The following SCP2 variants were observed in gnomAD, a reference collection of about 807,000 sequenced individuals.
SCP2 encodes SCP-2/3-oxoacyl-CoA thiolase.
Under a neutral mutation model 71.4 loss-of-function variants are expected in SCP2, and 48 were observed. The observed-to-expected ratio is 0.67, with a 90% CI of 0.53 to 0.86. SCP2 has a LOEUF of 0.86. Ranked by LOEUF, SCP2 falls within the 40% of genes least tolerant of loss-of-function variation. SCP2 has a pLI of 0.00. For missense variants in SCP2, 560 were observed against 655.6 expected (o/e 0.85, Z 1.59); for synonymous variants, 220 against 218.1 (o/e 1.01, Z -0.08).
At chr1:52,971,919 G>A (rs1013220606) in intron 6 of SCP2, among the ~76,000 whole-genome samples, 7 of 152,152 alleles carry the variant, frequency 4.6e-5, no homozygotes, top group African/African-American at 1.7e-4. Context: ...AAGGAGTTCT[G>A]GTTTCTATGA....
intron 11 of SCP2, among the ~76,000 whole-genome samples, chr1:52,989,871 AT>A (rs1659318109): frequency 6.6e-6 from 1 of 152,024 alleles, no homozygotes; most frequent in African/African-American, 2.4e-5. Context: ...AATGGCGTAT[AT>A]AAGGTCAGAG....
Position 53,051,315 on chromosome 1 carries a change from A to C in SCP2, c.*611A>C, listed in dbSNP as rs1377223221. ...TTTTTAAAATAAAAATATTTTTAAC[A>C]TGGGTTTCCTTATTGAAAAATCAGT... On this transcript the variant is annotated 3_prime_UTR_variant, in exon 16 of 16. Transcript: ENST00000371514. 1.3e-5 allele frequency: 2 copies of C among 152,190 alleles called. No individual in the cohort carries two copies. The highest frequency in any genetic ancestry group is 3.8e-4 in the East Asian group (2 of 5,196). The allele number at this position is 152,190 out of a possible 1,614,324, so 9.4% of individuals were successfully genotyped here.
intron 14 of SCP2, among the ~76,000 whole-genome samples, chr1:53,043,142 C>T (rs1212814802): frequency 2.0e-5 from 3 of 152,126 alleles, no homozygotes; most frequent in Admixed American, 2.0e-4. Context: ...AAGAAACAGC[C>T]AAACCTGGGT....
At chr1:52,995,212 C>T (rs1324380611) in intron 11 of SCP2, 3 of 501,668 alleles carry the variant, frequency 6.0e-6, no homozygotes, top group East Asian at 5.1e-5. Context: ...CATGAACACC[C>T]TCAGTGTGGT....
chr1:52,944,221 G>A (rs1654556511), intron 2 of SCP2, among the ~76,000 whole-genome samples: 1 of 152,160 alleles, frequency 6.6e-6, no homozygotes. Context: ...CAACCCAAAA[G>A]GAGTTACTGT....
chr1:53,047,357 TCA>T (rs532360566), intron 14 of SCP2, among the ~76,000 whole-genome samples: 58 of 152,352 alleles, frequency 3.8e-4, no homozygotes, highest in African/African-American at 1.3e-3. Flanking sequence ...CAGGTTCTAC[TCA>T]CACTGGAAGG....
intron 11 of SCP2, among the ~76,000 whole-genome samples, chr1:53,003,629 C>T (rs1224232198): frequency 6.6e-6 from 1 of 151,956 alleles, no homozygotes; most frequent in Non-Finnish European, 1.5e-5. Context: ...AAGTGATCCT[C>T]CCGCCTCAGT....
intron 6 of SCP2, among the ~76,000 whole-genome samples, chr1:52,965,615 C>T (rs576419976): frequency 2.1e-4 from 32 of 152,092 alleles, no homozygotes; most frequent in African/African-American, 7.7e-4. Flanking sequence ...GTGGTCGTTG[C>T]TTGTGTATAC....
At chr1:53,027,301 C>T (rs1359321406) in intron 12 of SCP2, among the ~76,000 whole-genome samples, 6 of 151,972 alleles carry the variant, frequency 3.9e-5, no homozygotes, top group East Asian at 3.9e-4. Context: ...GCGATCTGTC[C>T]GCCTTGGCCT....
At chr1:53,024,884 T>C (rs1162124720) in intron 12 of SCP2, among the ~76,000 whole-genome samples, 1 of 152,048 alleles carries the variant, frequency 6.6e-6, no homozygotes. Context: ...AAATGCTACA[T>C]TTCTTTAAGA....
chr1:53,038,605 A>G (rs765532588), intron 13 of SCP2, among the ~76,000 whole-genome samples: 2 of 151,792 alleles, frequency 1.3e-5, no homozygotes, highest in African/African-American at 2.4e-5. Flanking sequence ...AGGTCTCACT[A>G]TGTTGCCCAG....
Position 52,941,053 on chromosome 1 carries a change from T to G in SCP2, c.70-743T>G, listed in dbSNP as rs542851389. 3.3e-5 allele frequency among the ~76,000 whole-genome samples: 5 copies of G among 152,286 alleles called. No homozygotes were observed. In the East Asian group the frequency reaches 9.6e-4, roughly 29 times the overall value. ...CGGGAGCCACCACACCCAGCCATCC[T>G]TAACACTTTCCACTTTATGTTTTAA... On this transcript the variant is annotated intron_variant, in intron 1 of 15. Coordinates refer to ENST00000371514, the MANE Select transcript of SCP2 (RefSeq NM_002979.5).
intron 11 of SCP2, chr1:52,996,019 A>T (rs1378156161): frequency 7.2e-7 from 1 of 1,381,752 alleles, no homozygotes; most frequent in African/African-American, 1.5e-5. Context: ...GCTGAAGAGG[A>T]GGCCTAAGGC....
chr1:53,029,820 G>A (rs1662399912), intron 13 of SCP2, among the ~76,000 whole-genome samples: 1 of 152,104 alleles, frequency 6.6e-6, no homozygotes, highest in African/African-American at 2.4e-5. Flanking sequence ...ATCCACATGG[G>A]GCTACCTGTT....
chr1:52,961,177 A>G (rs1426319844), intron 5 of SCP2, among the ~76,000 whole-genome samples: 1 of 146,316 alleles, frequency 6.8e-6, no homozygotes, highest in Non-Finnish European at 1.5e-5. Flanking sequence ...TGCTGCATCC[A>G]TTAACTTGTC....
chr1:53,000,858 G>T (rs1660271171), intron 11 of SCP2, among the ~76,000 whole-genome samples: 1 of 152,108 alleles, frequency 6.6e-6, no homozygotes, highest in Admixed American at 6.5e-5. Flanking sequence ...GGGAGCCTGA[G>T]GTGGGAGGGT....
At chr1:53,014,413 C>G (rs1322658319) in intron 11 of SCP2, among the ~76,000 whole-genome samples, 1 of 152,086 alleles carries the variant, frequency 6.6e-6, no homozygotes, top group Non-Finnish European at 1.5e-5. Context: ...ATTCAGGGGA[C>G]AGAATGTTAT....
At chr1:53,046,483 A>T (rs1311037893) in intron 14 of SCP2, among the ~76,000 whole-genome samples, 3 of 152,106 alleles carry the variant, frequency 2.0e-5, no homozygotes, top group Non-Finnish European at 4.4e-5. Context: ...TATAATGCCT[A>T]CATGTGTCAT....
At chr1:53,029,390 A>G (rs1421837428) in intron 13 of SCP2, among the ~76,000 whole-genome samples, 1 of 152,020 alleles carries the variant, frequency 6.6e-6, no homozygotes, top group East Asian at 1.9e-4. Flanking sequence ...TGGCCCCCCA[A>G]AGTGTTGGGA....
Sources: gnomAD v4.1 joint callset for allele counts (sites outside exome capture counted in the v4.1 genomes callset) on GRCh38, gnomAD v4.1.1 for gene constraint, MANE v1.5 for transcripts, NCBI Gene and HGNC (gene_info 2026-07-23, HGNC 2026-07-21) for gene names.